TCERG1L: variants seen among roughly 807,000 people sequenced by gnomAD.
TCERG1L encodes transcription elongation regulator 1-like protein.
A neutral mutation model predicts 56.3 loss-of-function variants in TCERG1L; 37 were observed. The ratio of observed to expected loss-of-function variants is 0.66; its 90% CI spans 0.51 to 0.87. TCERG1L has a LOEUF of 0.87. TCERG1L is among the 40% of genes least tolerant of loss of function. TCERG1L has a pLI of 0.00. For missense variants in TCERG1L, 799 were observed against 774.2 expected (o/e 1.03, Z -0.38); for synonymous variants, 324 against 326.3 (o/e 0.99, Z 0.08).
chr10:131,163,187 TC>T lies in TCERG1L; in HGVS notation c.968del (p.Gly323GlufsTer51). 4.5e-6 allele frequency: 7 copies of T among 1,560,394 alleles called. No individual in the cohort carries two copies. Among genetic ancestry groups the T allele is most frequent in the Admixed American group, 3.9e-5 (2 of 51,510 alleles). On this transcript the variant is annotated frameshift_variant, in exon 6 of 12. Transcript: ENST00000368642. LOFTEE classifies it high-confidence loss of function. ...TGCCTCTGGCTGTGCTGTCCTCTCC[TC>T]CCCCCAGCATCGGTGGAGGCTCCTT... ...EDKEPPPMLG[G>X]GEDSTARGNR...
intron 3 of TCERG1L, among the ~76,000 whole-genome samples, chr10:131,262,658 T>C (rs1311817351): frequency 2.6e-5 from 4 of 152,180 alleles, no homozygotes; most frequent in Non-Finnish European, 5.9e-5. Context: ...CCTTATTAAC[T>C]ATGGCCACGG....
At chr10:131,235,613 C>T (rs72841347) in intron 4 of TCERG1L, among the ~76,000 whole-genome samples, 9,076 of 152,308 alleles carry the variant, frequency 0.06, 350 homozygotes, top group Middle Eastern at 0.15. Context: ...TTAGATCAGT[C>T]TCTATCTACT....
At chr10:131,107,715 G>A (rs781499610) in intron 9 of TCERG1L, among the ~76,000 whole-genome samples, 2 of 150,638 alleles carry the variant, frequency 1.3e-5, no homozygotes, top group Admixed American at 6.6e-5. Flanking sequence ...ATGGGGCCAC[G>A]ATTGCACACA....
At chr10:131,144,840 G>A (rs926335793) in intron 7 of TCERG1L, among the ~76,000 whole-genome samples, 7 of 152,112 alleles carry the variant, frequency 4.6e-5, no homozygotes, top group Admixed American at 3.3e-4. Flanking sequence ...AGAAGGAGAC[G>A]GAGCATCGAG....
chr10:131,140,859 G>A (rs570667377), intron 7 of TCERG1L, among the ~76,000 whole-genome samples: 1 of 152,344 alleles, frequency 6.6e-6, no homozygotes, highest in Admixed American at 6.5e-5. Context: ...GGTGGTGGAG[G>A]TGCCGCCTGC....
intron 8 of TCERG1L, among the ~76,000 whole-genome samples, chr10:131,123,753 G>A (rs2036672557): frequency 2.0e-5 from 3 of 152,140 alleles, no homozygotes; most frequent in East Asian, 1.9e-4. Context: ...GGTAGCACCC[G>A]GGGAGCCAGG....
At chr10:131,120,466 A>G (rs1180625517) in intron 8 of TCERG1L, among the ~76,000 whole-genome samples, 2 of 152,202 alleles carry the variant, frequency 1.3e-5, no homozygotes, top group Non-Finnish European at 2.9e-5. Context: ...CTCCACCCAG[A>G]TCCTTTCTGC....
At chr10:131,116,006 C>G (rs778749675) in intron 9 of TCERG1L, among the ~76,000 whole-genome samples, 3 of 152,196 alleles carry the variant, frequency 2.0e-5, no homozygotes, top group Non-Finnish European at 4.4e-5. Flanking sequence ...GCTCTGAAGT[C>G]TGAAAGGCCA....
intron 3 of TCERG1L, among the ~76,000 whole-genome samples, chr10:131,276,569 GTC>G (rs369156335): frequency 6.6e-6 from 1 of 152,208 alleles, no homozygotes; most frequent in Non-Finnish European, 1.5e-5. Flanking sequence ...CTCAGCCCAT[GTC>G]TCTCTCTTTG....
In TCERG1L at chr10:131,176,279, C is replaced by A. The variant is rs541213993; in HGVS notation, c.857-9394G>T. On this transcript the variant is annotated intron_variant, in intron 4 of 11. Coordinates refer to ENST00000368642, the MANE Select transcript of TCERG1L (RefSeq NM_174937.4). ...ACGGATGCACACACAGACACGTGTACACACACCAAGAAACATGCACACACA... is the reference window on the plus strand; with the variant it reads ...ACGGATGCACACACAGACACGTGTAAACACACCAAGAAACATGCACACACA... Among the ~76,000 whole-genome samples, 1,139 of 151,794 alleles carry A rather than the reference C, an allele frequency of 7.5e-3. 8 individuals carry two copies. Among genetic ancestry groups the A allele is most frequent in the African/African-American group, 0.026 (1,064 of 41,362 alleles).
chr10:131,189,274 G>A (rs918784932), intron 4 of TCERG1L, among the ~76,000 whole-genome samples: 5 of 152,052 alleles, frequency 3.3e-5, no homozygotes, highest in Non-Finnish European at 7.4e-5. Flanking sequence ...TAGTGTATCC[G>A]TCACCCAAAT....
At chr10:131,224,127 C>T (rs1845765698) in intron 4 of TCERG1L, among the ~76,000 whole-genome samples, 1 of 152,086 alleles carries the variant, frequency 6.6e-6, no homozygotes, top group Non-Finnish European at 1.5e-5. Context: ...CTGACCCATC[C>T]TCTCCCTCTC....
intron 9 of TCERG1L, among the ~76,000 whole-genome samples, chr10:131,109,362 G>A (rs934843229): frequency 5.9e-5 from 9 of 152,156 alleles, no homozygotes; most frequent in Non-Finnish European, 7.3e-5. Context: ...GTCTCAGCAC[G>A]CCTGTTGTCT....
intron 3 of TCERG1L, among the ~76,000 whole-genome samples, chr10:131,264,190 C>T (rs928704734): frequency 7.2e-5 from 11 of 151,846 alleles, no homozygotes; most frequent in African/African-American, 2.4e-4. Context: ...ACCTTCCTGC[C>T]GGGGATGCTC....
chr10:131,304,392 G>A (rs1332387153), intron 3 of TCERG1L, among the ~76,000 whole-genome samples: 5 of 152,046 alleles, frequency 3.3e-5, no homozygotes, highest in Admixed American at 1.3e-4. Flanking sequence ...CCTTCTCCAC[G>A]TCTGCCTGTG....
chr10:131,208,505 T>C (rs1845573385), intron 4 of TCERG1L, among the ~76,000 whole-genome samples: 1 of 152,206 alleles, frequency 6.6e-6, no homozygotes, highest in Non-Finnish European at 1.5e-5. Context: ...CCTTCTCATG[T>C]TGTGTCTGAG....
chr10:131,230,028 G>A (rs1024082221), intron 4 of TCERG1L, among the ~76,000 whole-genome samples: 1 of 151,966 alleles, frequency 6.6e-6, no homozygotes, highest in Non-Finnish European at 1.5e-5. Flanking sequence ...GGGAGCAGCA[G>A]GTATGGGTGC....
chr10:131,285,580 G>GA (rs147172100), intron 3 of TCERG1L, among the ~76,000 whole-genome samples: 7 of 139,530 alleles, frequency 5.0e-5, no homozygotes, highest in East Asian at 2.1e-4. Flanking sequence ...AAGAAAGAAA[G>GA]AAAAAAAATG....
At chr10:131,160,301 C>T (rs751031995) in intron 6 of TCERG1L, among the ~76,000 whole-genome samples, 1 of 152,204 alleles carries the variant, frequency 6.6e-6, no homozygotes, top group Non-Finnish European at 1.5e-5. Context: ...GCACCAGTCA[C>T]TGTGCAGACC....
Sources: allele counts gnomAD v4.1 joint callset (sites outside exome capture counted in the v4.1 genomes callset), GRCh38; gene constraint gnomAD v4.1.1; transcripts MANE v1.5; gene names NCBI Gene and HGNC (gene_info 2026-07-23, HGNC 2026-07-21).